SLC35F3: variants seen among roughly 807,000 people sequenced by gnomAD.
SLC35F3 encodes putative thiamine transporter SLC35F3.
A neutral mutation model predicts 49.9 loss-of-function variants in SLC35F3; 25 were observed. The observed-to-expected ratio is 0.50, with a 90% CI of 0.37 to 0.70. The LOEUF is 0.70. Among genes scored for constraint, SLC35F3 ranks in the 30% least tolerant of loss-of-function variants. SLC35F3 has a pLI of 0.00. For synonymous variants in SLC35F3, 275 were observed against 265.4 expected (o/e 1.04, Z -0.35); for missense variants, 525 against 639.8 (o/e 0.82, Z 1.94).
intron 3 of SLC35F3, among the ~76,000 whole-genome samples, chr1:234,284,701 C>T (rs1668383752): frequency 6.6e-6 from 1 of 152,144 alleles, no homozygotes; most frequent in Non-Finnish European, 1.5e-5. Context: ...GAGAGAATGC[C>T]TGGCCCTTCC....
chr1:233,976,676 T>A (rs1330909359), intron 2 of SLC35F3, among the ~76,000 whole-genome samples: 1 of 152,146 alleles, frequency 6.6e-6, no homozygotes, highest in Non-Finnish European at 1.5e-5. Flanking sequence ...AGTGGCACCA[T>A]CTCAGCTCAC....
At chr1:234,099,408 G>A (rs544800221) in intron 2 of SLC35F3, among the ~76,000 whole-genome samples, 15 of 152,092 alleles carry the variant, frequency 9.9e-5, no homozygotes, top group South Asian at 4.2e-4. Context: ...TCAAGAGATC[G>A]AGACCATCCT....
chr1:234,178,297 C>T (rs1474476568), intron 2 of SLC35F3, among the ~76,000 whole-genome samples: 2 of 152,120 alleles, frequency 1.3e-5, no homozygotes, highest in East Asian at 3.9e-4. Context: ...CCACCGAACT[C>T]ATCCCTCCAA....
chr1:234,098,621 T>C (rs1246773137), intron 2 of SLC35F3, among the ~76,000 whole-genome samples: 5 of 145,562 alleles, frequency 3.4e-5, no homozygotes, highest in Non-Finnish European at 7.6e-5. Flanking sequence ...TGGTGGTGAC[T>C]GTATTGGTGG....
At chr1:234,149,352 G>A (rs149553340) in intron 2 of SLC35F3, among the ~76,000 whole-genome samples, 38 of 152,316 alleles carry the variant, frequency 2.5e-4, no homozygotes, top group African/African-American at 7.0e-4. Flanking sequence ...ATCTGGATGC[G>A]TAATCTTTCT....
chr1:234,020,522 GA>G (rs1248496686), intron 2 of SLC35F3, among the ~76,000 whole-genome samples: 1 of 149,472 alleles, frequency 6.7e-6, no homozygotes, highest in Non-Finnish European at 1.5e-5. Context: ...CCCTTTTTTT[GA>G]AAATTATGAT....
intron 2 of SLC35F3, among the ~76,000 whole-genome samples, chr1:234,211,314 C>G (rs545350758): frequency 8.1e-4 from 123 of 152,332 alleles, no homozygotes; most frequent in Non-Finnish European, 1.5e-3. Context: ...CCTACTGGGG[C>G]ACTGCCTAGT....
chr1:234,084,269 G>A (rs1664928503), intron 2 of SLC35F3, among the ~76,000 whole-genome samples: 1 of 151,658 alleles, frequency 6.6e-6, no homozygotes, highest in Admixed American at 6.6e-5. Flanking sequence ...GTGTAGAGAG[G>A]AGGGCAAGTT....
In SLC35F3 at chr1:234,186,482, G is replaced by A. The variant is rs563844255; in HGVS notation, c.284-44935G>A. ...CTGAGAAGGAGACAAGCTGGGTGCC[G>A]TCTCCTAGCCCTGATCTCTCCTCCC... On this transcript the variant is annotated intron_variant, in intron 2 of 7. Coordinates refer to ENST00000366618, the MANE Select transcript of SLC35F3 (RefSeq NM_173508.4). Among the ~76,000 whole-genome samples, 27 of 151,962 alleles carry A rather than the reference G, an allele frequency of 1.8e-4. No individual in the cohort carries two copies. In the East Asian group the frequency reaches 2.1e-3, roughly 12 times the overall value.
chr1:234,191,521 G>C (rs1284969084), intron 2 of SLC35F3, among the ~76,000 whole-genome samples: 1 of 151,828 alleles, frequency 6.6e-6, no homozygotes, highest in Non-Finnish European at 1.5e-5. Flanking sequence ...GGCAATCTAA[G>C]ACCACACCTC....
intron 2 of SLC35F3, among the ~76,000 whole-genome samples, chr1:234,082,716 A>T (rs990245873): frequency 8.5e-5 from 13 of 152,226 alleles, no homozygotes; most frequent in African/African-American, 2.9e-4. Context: ...GAGGCCTCAC[A>T]ATCATGGCAG....
chr1:234,208,332 G>C (rs557774804), intron 2 of SLC35F3, among the ~76,000 whole-genome samples: 68 of 152,338 alleles, frequency 4.5e-4, no homozygotes, highest in African/African-American at 1.6e-3. Flanking sequence ...AGAGGCCCCT[G>C]TAGATGTCGT....
At chr1:233,955,127 A>G (rs1328927421) in intron 2 of SLC35F3, among the ~76,000 whole-genome samples, 1 of 152,072 alleles carries the variant, frequency 6.6e-6, no homozygotes, top group South Asian at 2.1e-4. Flanking sequence ...TACAGGCACG[A>G]GCCACCGCAC....
intron 2 of SLC35F3, among the ~76,000 whole-genome samples, chr1:234,184,564 ATGT>A (rs1426730577): frequency 6.6e-6 from 1 of 152,146 alleles, no homozygotes; most frequent in Non-Finnish European, 1.5e-5. Flanking sequence ...TGCCTGATGC[ATGT>A]TGTTTTTCTC....
intron 2 of SLC35F3, among the ~76,000 whole-genome samples, chr1:234,185,029 GC>G (rs1424861011): frequency 6.6e-6 from 1 of 152,204 alleles, no homozygotes; most frequent in African/African-American, 2.4e-5. Flanking sequence ...CTGCGAAAAA[GC>G]AACCCTGCAA....
chr1:234,104,357 GA>G (rs919120677), intron 2 of SLC35F3, among the ~76,000 whole-genome samples: 2 of 151,886 alleles, frequency 1.3e-5, no homozygotes, highest in South Asian at 2.1e-4. Flanking sequence ...CAAGGTATAA[GA>G]AAAAAAACTA....
At chr1:234,251,427 T>A (rs565814166) in intron 3 of SLC35F3, among the ~76,000 whole-genome samples, 70 of 133,566 alleles carry the variant, frequency 5.2e-4, no homozygotes, top group Non-Finnish European at 1.0e-3. Flanking sequence ...GTAGAAACTA[T>A]ATATATAGAA....
intron 3 of SLC35F3, among the ~76,000 whole-genome samples, chr1:234,292,716 T>A (rs1214940686): frequency 6.6e-6 from 1 of 152,220 alleles, no homozygotes; most frequent in African/African-American, 2.4e-5. Context: ...TGTTTAGAGT[T>A]GCCCTTGTTC....
rs1318501673 is a variant in SLC35F3 at position 234,107,968 on chromosome 1, T to C, written c.284-123449T>C. Among the ~76,000 whole-genome samples the C allele has an allele frequency of 2.6e-5, 4 of 151,774 alleles. No individual in the cohort carries two copies. In the Admixed American group the frequency reaches 2.6e-4, roughly 10 times the overall value. ...TTGGGCACTAGCCTCACAGAACTAT[T>C]AGCAGTCAGCTATGTCTGTAATTCT... On this transcript the variant is annotated intron_variant, in intron 2 of 7. Coordinates refer to ENST00000366618, the MANE Select transcript of SLC35F3 (RefSeq NM_173508.4).
Sources: allele counts gnomAD v4.1 joint callset (sites outside exome capture counted in the v4.1 genomes callset), GRCh38; gene constraint gnomAD v4.1.1; transcripts MANE v1.5; gene names NCBI Gene and HGNC (gene_info 2026-07-23, HGNC 2026-07-21).